The following SPAG17 variants were observed in gnomAD, a reference collection of about 807,000 sequenced individuals.
The protein encoded by SPAG17 is sperm-associated antigen 17.
Under a neutral mutation model 273.6 loss-of-function variants are expected in SPAG17, and 169 were observed. That is an observed-to-expected ratio of 0.62 (90% confidence interval 0.55 to 0.70). The LOEUF is 0.70. Ranked by LOEUF, SPAG17 falls within the 30% of genes least tolerant of loss-of-function variation. The probability of loss-of-function intolerance (pLI) is 0.00; values close to 1 mark genes in which losing one functional copy is unlikely to be tolerated. For synonymous variants in SPAG17, 825 were observed against 873.2 expected, an observed-to-expected ratio of 0.94 and a Z score of 0.97; for missense variants, 2,557 against 2,627.8, an observed-to-expected ratio of 0.97 and a Z score of 0.59.
chr1:118,015,823 C>A (rs936700378), intron 29 of SPAG17, 142 bp downstream of exon 29: 2 of 736,596 alleles, frequency 2.7e-6, no homozygotes, highest in African/African-American at 1.8e-5. Flanking sequence ...TGAATCCAAT[C>A]ATCCATCCAT....
chr1:117,958,908 A>C (rs1652623058), intron 48 of SPAG17: 3 of 1,612,702 alleles, frequency 1.9e-6, no homozygotes. Context: ...TTTTTCTATC[A>C]GGATTCACTT....
intron 13 of SPAG17, among the ~76,000 whole-genome samples, chr1:118,085,079 C>T (rs1654881953): frequency 1.3e-5 from 2 of 152,210 alleles, no homozygotes; most frequent in African/African-American, 4.8e-5. Flanking sequence ...TCCCAAGTCA[C>T]ACTCTTTCTT....
intron 28 of SPAG17, among the ~76,000 whole-genome samples, chr1:118,018,256 T>G (rs188030583): frequency 6.8e-4 from 104 of 152,276 alleles, no homozygotes; most frequent in African/African-American, 2.4e-3. Context: ...TCAGACTAAG[T>G]GTGGATTATT....
chr1:118,099,798 C>T lies in SPAG17; in HGVS notation c.637G>A (p.Asp213Asn), dbSNP rs148273524. 3.6e-5 allele frequency: 58 copies of T among 1,611,432 alleles called. No homozygotes were observed. The highest frequency in any genetic ancestry group is 5.5e-5 in the South Asian group (5 of 90,968). ...EDDHTNRYID[D>N]EPDDGAQHYI... ...TGTTGGGCACCATCATCTGGCTCAT[C>T]GTCTGTTCAAAATACCATAAAGAAG... Residue 213 changes from aspartate (D) to asparagine (N), a missense_variant and splice_region_variant, in exon 6 of 49, where the codon GAT becomes AAT. Asp to Asn is a conservative substitution (Grantham distance 23). Transcript: ENST00000336338.
rs750177621 is a variant in SPAG17 at position 118,012,315 on chromosome 1, T to C, written c.4345A>G (p.Ile1449Val). 34 of 1,613,836 alleles carry C rather than the reference T, an allele frequency of 2.1e-5. No homozygotes were observed. The highest frequency in any genetic ancestry group is 2.8e-5 in the Non-Finnish European group (33 of 1,179,820). ...CTGGTACCATCAGCATGATCCACTATCCGAGTACCATCTTTCCTTTCAACT... is the reference window on the plus strand; with the variant it reads ...CTGGTACCATCAGCATGATCCACTACCCGAGTACCATCTTTCCTTTCAACT... ...VIVERKDGTR[I>V]VDHADGTRIT... The change falls in exon 30 of 49, where the codon ATA becomes GTA. Residue 1449 changes from isoleucine to valine, a missense_variant. Ile to Val is a conservative substitution (Grantham distance 29). Coordinates refer to ENST00000336338, the MANE Select transcript of SPAG17 (RefSeq NM_206996.4).
chr1:117,971,958 A>G lies in SPAG17; in HGVS notation c.6231T>C (p.His2077=), dbSNP rs1654609725. 2.5e-6 allele frequency: 4 copies of G among 1,614,156 alleles called. No individual in the cohort carries two copies. Among genetic ancestry groups the G allele is most frequent in the Non-Finnish European group, 3.4e-6 (4 of 1,180,002 alleles). ...NNAKSSLFGF[H]LLPSSVKFGV... ...CAAACTTGACTGATGATGGGAGAAG[A>G]TGGAACCCAAAAAGGGATGACTTTG... The change falls in exon 45 of 49, where the codon CAT becomes CAC. Residue 2077 remains histidine (H), a synonymous_variant. Transcript: ENST00000336338.
chr1:118,054,164 GT>G, intron 19 of SPAG17, 71 bp from the exon 20 acceptor site: 1 of 950,438 alleles, frequency 1.1e-6, no homozygotes, highest in Non-Finnish European at 1.6e-6. Context: ...AAATCTCTGG[GT>G]TAGATGAGAT....
intron 3 of SPAG17, among the ~76,000 whole-genome samples, chr1:118,146,374 G>C (rs777688087): frequency 1.2e-4 from 19 of 152,154 alleles, no homozygotes; most frequent in Non-Finnish European, 2.4e-4. Flanking sequence ...GGGCCATAAA[G>C]CATACATACA....
At chr1:118,039,481 A>G in intron 22 of SPAG17, 37 bp from the exon 23 acceptor site, 1 of 1,604,226 alleles carries the variant, frequency 6.2e-7, no homozygotes, top group Non-Finnish European at 8.5e-7. Context: ...TGGGCTGATT[A>G]GGATGCCACA....
At chr1:118,008,322 A>G (rs1468065171) in intron 30 of SPAG17, 124 bp from the exon 31 acceptor site, 3 of 1,107,404 alleles carry the variant, frequency 2.7e-6, no homozygotes, top group African/African-American at 3.1e-5. Context: ...ACACAATTGT[A>G]AAGTCTAGAG....
At chr1:118,007,402 T>C (rs1659006930) in intron 31 of SPAG17, among the ~76,000 whole-genome samples, 1 of 152,258 alleles carries the variant, frequency 6.6e-6, no homozygotes. Flanking sequence ...ATTTTTGCTC[T>C]AGTGTCCTTT....
chr1:118,007,528 C>A (rs1400979995), intron 31 of SPAG17, among the ~76,000 whole-genome samples: 2 of 152,204 alleles, frequency 1.3e-5, no homozygotes, highest in Non-Finnish European at 2.9e-5. Flanking sequence ...GTGCTAACTG[C>A]TCCTCCTTGG....
intron 1 of SPAG17, among the ~76,000 whole-genome samples, chr1:118,174,103 A>C (rs1660566547): frequency 6.6e-6 from 1 of 152,124 alleles, no homozygotes. Context: ...AAATCAACAA[A>C]ATAAATCTTC....
intron 3 of SPAG17, among the ~76,000 whole-genome samples, chr1:118,147,117 A>G (rs908903796): frequency 3.3e-5 from 5 of 152,166 alleles, no homozygotes; most frequent in African/African-American, 1.2e-4. Context: ...GCTTATGTCC[A>G]TATACATTTT....
intron 8 of SPAG17, among the ~76,000 whole-genome samples, chr1:118,092,593 T>C (rs930736031): frequency 6.6e-6 from 1 of 152,202 alleles, no homozygotes; most frequent in Non-Finnish European, 1.5e-5. Flanking sequence ...TATCATGCTT[T>C]CCATTAGGCA....
chr1:118,152,915 A>G (rs1244841947), intron 1 of SPAG17, among the ~76,000 whole-genome samples: 1 of 152,230 alleles, frequency 6.6e-6, no homozygotes, highest in Non-Finnish European at 1.5e-5. Context: ...TCATTTCACA[A>G]TAAAGTACAC....
At chr1:118,165,346 T>C (rs978631570) in intron 1 of SPAG17, among the ~76,000 whole-genome samples, 1 of 152,138 alleles carries the variant, frequency 6.6e-6, no homozygotes, top group African/African-American at 2.4e-5. Context: ...AGGAGAGAGC[T>C]GTTCTCCTTT....
rs1661135710 is a variant in SPAG17 at position 118,185,186 on chromosome 1, A to G, written c.-29T>C. 2 of 1,581,088 alleles carry G rather than the reference A, an allele frequency of 1.3e-6. No individual in the cohort carries two copies. Among genetic ancestry groups the G allele is most frequent in the East Asian group, 2.2e-5 (1 of 44,690 alleles). ...AAGGACGGGAGAAGCATTGGCCTCT[A>G]AACTGGGCGCAGGCCCTGCCTAAGC... On this transcript the variant is annotated 5_prime_UTR_variant, in exon 1 of 49. Coordinates refer to ENST00000336338, the MANE Select transcript of SPAG17 (RefSeq NM_206996.4).
intron 3 of SPAG17, among the ~76,000 whole-genome samples, chr1:118,134,642 C>CT (rs1433609049): frequency 6.6e-6 from 1 of 152,126 alleles, no homozygotes; most frequent in Non-Finnish European, 1.5e-5. Flanking sequence ...CCTCAATGGC[C>CT]CCCCATACCT....
Sources: gnomAD v4.1 joint callset for allele counts (sites outside exome capture counted in the v4.1 genomes callset) on GRCh38, gnomAD v4.1.1 for gene constraint, MANE v1.5 for transcripts, NCBI Gene and HGNC (gene_info 2026-07-23, HGNC 2026-07-21) for gene names.